The following ANKRD42 variants were observed in gnomAD, a reference collection of about 807,000 sequenced individuals.
ANKRD42 encodes ankyrin repeat domain 42, also known as ankyrin repeat domain-containing protein 42.
A neutral mutation model predicts 51.5 loss-of-function variants in ANKRD42; 43 were observed. That is an observed-to-expected ratio of 0.83 (90% CI 0.65 to 1.08). The LOEUF is 1.08. Among genes scored for constraint, ANKRD42 ranks in the 50% least tolerant of loss-of-function variants. ANKRD42 has a pLI of 0.00. For synonymous variants in ANKRD42, 203 were observed against 213.0 expected, an observed-to-expected ratio of 0.95 and a Z score of 0.41; for missense variants, 608 against 629.3, an observed-to-expected ratio of 0.97 and a Z score of 0.36.
chr11:83,209,848 AC>A (rs1221812654), intron 3 of ANKRD42: 3 of 513,938 alleles, frequency 5.8e-6, no homozygotes, highest in Non-Finnish European at 1.1e-5. Context: ...CTGTGGACCC[AC>A]AGCCTCAGCT....
At chr11:83,225,506 A>G (rs758203610) in intron 6 of ANKRD42, among the ~76,000 whole-genome samples, 4 of 151,836 alleles carry the variant, frequency 2.6e-5, no homozygotes, top group Non-Finnish European at 5.9e-5. Flanking sequence ...TCAAGGCTAC[A>G]GTGAACCGTG....
intron 11 of ANKRD42, among the ~76,000 whole-genome samples, chr11:83,254,056 C>T (rs672865): frequency 0.26 from 39,977 of 152,036 alleles, 5,427 homozygotes; most frequent in Middle Eastern, 0.41. Context: ...CTCACTGCAA[C>T]CTCCAGTTCC....
intron 2 of ANKRD42, among the ~76,000 whole-genome samples, chr11:83,204,561 A>C (rs1861995986): frequency 6.6e-6 from 1 of 152,154 alleles, no homozygotes; most frequent in African/African-American, 2.4e-5. Flanking sequence ...GTTCAATAGA[A>C]GCCCAAATGC....
At chr11:83,217,873 C>CT (rs1272348105) in intron 5 of ANKRD42, among the ~76,000 whole-genome samples, 1 of 152,206 alleles carries the variant, frequency 6.6e-6, no homozygotes. Flanking sequence ...GTCTACCTGT[C>CT]TGAGAGCCAA....
intron 3 of ANKRD42, among the ~76,000 whole-genome samples, chr11:83,209,197 C>T (rs17144834): frequency 0.021 from 3,208 of 152,184 alleles, 120 homozygotes; most frequent in African/African-American, 0.07. Context: ...TTTAACTTAG[C>T]GGCAATTTAT....
downstream of ANKRD42, among the ~76,000 whole-genome samples, chr11:83,262,948 C>T (rs1864015061): frequency 6.6e-6 from 1 of 152,162 alleles, no homozygotes; most frequent in Non-Finnish European, 1.5e-5. Flanking sequence ...CTATGCTGAG[C>T]AATTACACAC....
At chr11:83,212,894 A>G (rs993184794) in intron 5 of ANKRD42, 2 of 1,445,546 alleles carry the variant, frequency 1.4e-6, no homozygotes, top group Admixed American at 5.7e-5. Flanking sequence ...TTTACTTTGT[A>G]TTTTGTAAGT....
chr11:83,222,146 C>T (rs866524848), intron 5 of ANKRD42, among the ~76,000 whole-genome samples: 2 of 152,144 alleles, frequency 1.3e-5, no homozygotes, highest in South Asian at 4.1e-4. Context: ...CAGGACCTGT[C>T]TCATCCTCAT....
chr11:83,249,420 T>C (rs1431992363), downstream of ANKRD42, among the ~76,000 whole-genome samples: 1 of 152,194 alleles, frequency 6.6e-6, no homozygotes, highest in African/African-American at 2.4e-5. Context: ...GGACGGGATC[T>C]TGCTTTGTTG....
At chr11:83,229,458 G>T (rs753889020) in intron 7 of ANKRD42, among the ~76,000 whole-genome samples, 2 of 152,038 alleles carry the variant, frequency 1.3e-5, no homozygotes, top group Non-Finnish European at 2.9e-5. Flanking sequence ...GTGTGTGGGG[G>T]TGTCATTTAG....
chr11:83,244,753 C>A (rs919443390), intron 9 of ANKRD42, among the ~76,000 whole-genome samples: 8 of 152,222 alleles, frequency 5.3e-5, no homozygotes, highest in African/African-American at 1.9e-4. Context: ...GTACTTCCTT[C>A]TCTTACTATT....
At chr11:83,217,776 C>G (rs11530859) in intron 5 of ANKRD42, among the ~76,000 whole-genome samples, 9,776 of 152,308 alleles carry the variant, frequency 0.064, 348 homozygotes, top group Middle Eastern at 0.12. Flanking sequence ...GTTGGACAAT[C>G]TTTAAGTATC....
chr11:83,219,835 C>T (rs989713510), intron 5 of ANKRD42, among the ~76,000 whole-genome samples: 3 of 152,156 alleles, frequency 2.0e-5, no homozygotes, highest in East Asian at 1.9e-4. Context: ...GGGGACCATA[C>T]GCTATGGTAG....
intron 9 of ANKRD42, 91 bp downstream of exon 9, chr11:83,241,025 A>G (rs1863370447): frequency 9.5e-6 from 13 of 1,365,658 alleles, no homozygotes; most frequent in Non-Finnish European, 1.2e-5. Flanking sequence ...AAAGACAAAT[A>G]CTGCCTACAA....
chr11:83,242,769 T>G (rs1323987009), intron 9 of ANKRD42, among the ~76,000 whole-genome samples: 1 of 152,156 alleles, frequency 6.6e-6, no homozygotes, highest in East Asian at 1.9e-4. Context: ...TTCACCATGT[T>G]GATCAGGCTG....
At chr11:83,217,689 T>C (rs1408991860) in intron 5 of ANKRD42, among the ~76,000 whole-genome samples, 1 of 152,196 alleles carries the variant, frequency 6.6e-6, no homozygotes, top group Non-Finnish European at 1.5e-5. Flanking sequence ...CCAGAGGGCC[T>C]TTGTCCTCTG....
At chr11:83,216,879 A>G (rs1044058335) in intron 5 of ANKRD42, among the ~76,000 whole-genome samples, 1 of 152,176 alleles carries the variant, frequency 6.6e-6, no homozygotes, top group East Asian at 1.9e-4. Context: ...CTAAAACAGG[A>G]CACCCCAACT....
intron 1 of ANKRD42, among the ~76,000 whole-genome samples, chr11:83,195,223 A>G (rs9735415): frequency 0.021 from 3,194 of 152,258 alleles, 118 homozygotes; most frequent in African/African-American, 0.07. Context: ...GTGGCCCTCA[A>G]ATCGGTTACT....
At chr11:83,234,748 G>GT (rs1301610938) in intron 7 of ANKRD42, among the ~76,000 whole-genome samples, 2 of 152,174 alleles carry the variant, frequency 1.3e-5, no homozygotes, top group Non-Finnish European at 2.9e-5. Context: ...CTAAAGTGGG[G>GT]TTTTTAATAG....
Sources: gnomAD v4.1 joint callset for allele counts (sites outside exome capture counted in the v4.1 genomes callset) on GRCh38, gnomAD v4.1.1 for gene constraint, MANE v1.5 for transcripts, NCBI Gene and HGNC (gene_info 2026-07-23, HGNC 2026-07-21) for gene names.